Variants in NPNT observed in about 807,000 individuals in gnomAD.
NPNT encodes the protein nephronectin, also known as preosteoblast EGF-like repeat protein with MAM domain.
A neutral mutation model predicts 68.6 loss-of-function variants in NPNT; 45 were observed. The observed-to-expected ratio is 0.66, with a 90% CI of 0.52 to 0.84. NPNT has a LOEUF of 0.84. NPNT is among the 40% of genes least tolerant of loss of function. The probability of loss-of-function intolerance (pLI) is 0.00; values close to 1 mark genes in which losing one functional copy is unlikely to be tolerated. For synonymous variants in NPNT, 233 were observed against 253.3 expected (o/e 0.92, Z 0.76); for missense variants, 672 against 714.8 (o/e 0.94, Z 0.68).
intron 2 of NPNT, chr4:105,912,133 G>A: frequency 7.9e-7 from 1 of 1,258,786 alleles, no homozygotes; most frequent in Admixed American, 2.0e-5. Flanking sequence ...CCCAAGTCCA[G>A]CCTCCTTACA....
chr4:105,942,948 A>G (rs886389372), intron 8 of NPNT, among the ~76,000 whole-genome samples: 3 of 152,264 alleles, frequency 2.0e-5, no homozygotes, highest in Non-Finnish European at 4.4e-5. Context: ...GCTCTTAGCC[A>G]GTATGGGAAT....
chr4:105,966,407 A>G (rs1732141973), intron 10 of NPNT, among the ~76,000 whole-genome samples: 1 of 152,192 alleles, frequency 6.6e-6, no homozygotes, highest in African/African-American at 2.4e-5. Flanking sequence ...GAACATCATC[A>G]AAGTGGTCTA....
At position 105,958,762 on chromosome 4, in the gene NPNT, TAAACTG is replaced by T. The variant is rs1219541502; in HGVS notation, c.1246+206_1246+211del. 5.7e-6 allele frequency: 3 copies of T among 530,370 alleles called. No individual in the cohort carries two copies. In the African/African-American group the frequency reaches 5.7e-5, roughly 10 times the overall value. The allele number at this position is 530,370 out of a possible 1,614,324, so 32.9% of individuals were successfully genotyped here. A position where few individuals can be genotyped will look rare whatever the true frequency, so the allele number is the denominator to read the frequency against. ...TTTAAAAAAATTTTAAAGTAGTACT[TAAACTG>T]TAAAAAGGAAATCATATTTTATAAG... On this transcript the variant is annotated intron_variant, in intron 9 of 11. Coordinates refer to ENST00000379987, the MANE Select transcript of NPNT (RefSeq NM_001033047.3).
chr4:105,940,931 T>C (rs1409681886), intron 7 of NPNT, among the ~76,000 whole-genome samples: 1 of 152,172 alleles, frequency 6.6e-6, no homozygotes, highest in East Asian at 1.9e-4. Context: ...GAATTTGCTT[T>C]TGTTAAAATT....
intron 2 of NPNT, among the ~76,000 whole-genome samples, chr4:105,905,641 T>A (rs1324013449): frequency 1.3e-5 from 2 of 152,212 alleles, no homozygotes; most frequent in Non-Finnish European, 2.9e-5. Context: ...GAATGTACTA[T>A]AATTAATTTA....
chr4:105,923,509 T>C (rs1302485429), intron 2 of NPNT, among the ~76,000 whole-genome samples: 1 of 152,182 alleles, frequency 6.6e-6, no homozygotes, highest in Non-Finnish European at 1.5e-5. Context: ...AATTCAGGAA[T>C]TGTATTTAGC....
At chr4:105,914,293 G>A (rs189395134) in intron 2 of NPNT, among the ~76,000 whole-genome samples, 16 of 144,172 alleles carry the variant, frequency 1.1e-4, no homozygotes, top group African/African-American at 3.6e-4. Context: ...ATTTTACTGG[G>A]ATGATATCTG....
chr4:105,962,189 G>A (rs1167550033), intron 10 of NPNT, among the ~76,000 whole-genome samples: 3 of 152,176 alleles, frequency 2.0e-5, no homozygotes, highest in Non-Finnish European at 4.4e-5. Context: ...CTTTGGTTAA[G>A]TGGTGAATCC....
chr4:105,936,524 C>T (rs1729506464), intron 3 of NPNT, among the ~76,000 whole-genome samples: 1 of 152,180 alleles, frequency 6.6e-6, no homozygotes, highest in Admixed American at 6.5e-5. Flanking sequence ...AAGTCCAAGC[C>T]TTAAGGAGGC....
intron 2 of NPNT, among the ~76,000 whole-genome samples, chr4:105,902,327 TC>T (rs1445580394): frequency 2.0e-5 from 3 of 152,172 alleles, no homozygotes; most frequent in Non-Finnish European, 4.4e-5. Flanking sequence ...TATGACAACT[TC>T]CATTGAACAT....
chr4:105,896,699 T>C (rs79560548), intron 1 of NPNT, among the ~76,000 whole-genome samples: 2,332 of 152,228 alleles, frequency 0.015, 69 homozygotes, highest in African/African-American at 0.053. Flanking sequence ...TTGGAACGAA[T>C]CAATTCCACA....
chr4:105,933,638 TA>T (rs113785435), intron 3 of NPNT, among the ~76,000 whole-genome samples: 3,516 of 152,310 alleles, frequency 0.023, 127 homozygotes, highest in African/African-American at 0.08. Context: ...CTAAATGTGT[TA>T]AAACAAATGA....
intron 2 of NPNT, among the ~76,000 whole-genome samples, chr4:105,910,563 A>G (rs1727282940): frequency 6.6e-6 from 1 of 152,176 alleles, no homozygotes; most frequent in South Asian, 2.1e-4. Context: ...AATTGTTGTG[A>G]TGGTTGCATA....
Position 105,940,036 on chromosome 4 carries a change from C to A in NPNT, c.506-39C>A, listed in dbSNP as rs774000034. 7 of 1,593,390 alleles carry A rather than the reference C, an allele frequency of 4.4e-6. No individual in the cohort carries two copies. The East Asian group carries it at 8.9e-5, about 20-fold the overall frequency. On this transcript the variant is annotated intron_variant, in intron 5 of 11. Coordinates refer to ENST00000379987, the MANE Select transcript of NPNT (RefSeq NM_001033047.3). ...TGAAACCCACTCTGTCTTAACATACCCTTGCTCTTCCTAAAATGCTATTGA... is the reference window on the plus strand; with the variant it reads ...TGAAACCCACTCTGTCTTAACATACACTTGCTCTTCCTAAAATGCTATTGA...
At chr4:105,931,023 C>T (rs1729063447) in intron 3 of NPNT, among the ~76,000 whole-genome samples, 1 of 152,188 alleles carries the variant, frequency 6.6e-6, no homozygotes, top group Non-Finnish European at 1.5e-5. Flanking sequence ...CACACGTTAC[C>T]TTTCAAAGCA....
chr4:105,897,565 T>C (rs1725962149), intron 1 of NPNT, among the ~76,000 whole-genome samples: 1 of 152,210 alleles, frequency 6.6e-6, no homozygotes, highest in Non-Finnish European at 1.5e-5. Flanking sequence ...GAATCTGTTT[T>C]ATTTCAAGCT....
At chr4:105,951,897 A>C (rs1190162336) in intron 8 of NPNT, among the ~76,000 whole-genome samples, 1 of 152,086 alleles carries the variant, frequency 6.6e-6, no homozygotes, top group Non-Finnish European at 1.5e-5. Context: ...CCTCATTGCC[A>C]GTCTGTAATT....
chr4:105,916,427 G>C (rs1242544197), intron 2 of NPNT, among the ~76,000 whole-genome samples: 1 of 146,990 alleles, frequency 6.8e-6, no homozygotes, highest in East Asian at 2.0e-4. Flanking sequence ...TTGCCATATT[G>C]CCCAGGCTGG....
intron 3 of NPNT, chr4:105,929,720 A>G (rs374837855): frequency 6.6e-6 from 1 of 151,960 alleles, no homozygotes; most frequent in Non-Finnish European, 1.5e-5. Flanking sequence ...GATATAAAAT[A>G]TAAAGAAGAC....
Sources: allele counts gnomAD v4.1 joint callset (sites outside exome capture counted in the v4.1 genomes callset), GRCh38; gene constraint gnomAD v4.1.1; transcripts MANE v1.5; gene names NCBI Gene and HGNC (gene_info 2026-07-23, HGNC 2026-07-21).